SYT9: variants seen among roughly 807,000 people sequenced by gnomAD.
SYT9 encodes the protein synaptotagmin-9.
Under a neutral mutation model 48.4 loss-of-function variants are expected in SYT9, and 22 were observed. The ratio of observed to expected loss-of-function variants is 0.45; its 90% CI spans 0.32 to 0.65. SYT9 has a LOEUF of 0.65. Among genes scored for constraint, SYT9 ranks in the 30% least tolerant of loss-of-function variants. SYT9 has a pLI of 0.03. For synonymous variants in SYT9, 265 were observed against 245.0 expected, an observed-to-expected ratio of 1.08 and a Z score of -0.76; for missense variants, 577 against 622.0, an observed-to-expected ratio of 0.93 and a Z score of 0.77.
chr11:7,398,397 C>A (rs1846799950), intron 3 of SYT9, among the ~76,000 whole-genome samples: 1 of 138,668 alleles, frequency 7.2e-6, no homozygotes, highest in Non-Finnish European at 1.5e-5. Context: ...GGATACTGAT[C>A]TACAGTTTTC....
At chr11:7,417,656 C>G (rs1408091051) in intron 4 of SYT9, among the ~76,000 whole-genome samples, 1 of 152,206 alleles carries the variant, frequency 6.6e-6, no homozygotes, top group East Asian at 1.9e-4. Context: ...CTATCCTGGC[C>G]AGGCCAGTCT....
Position 7,416,030 on chromosome 11 carries a change from C to T in SYT9, c.1045-12C>T. On this transcript the variant is annotated splice_polypyrimidine_tract_variant and intron_variant, in intron 3 of 6. Transcript: ENST00000318881. ...ACACTTTCTAATACTTTAGTTTGTG[C>T]TTTCTCAACAGGACAACGTGGATCT... 1 of 1,614,028 alleles carries T rather than the reference C, an allele frequency of 6.2e-7. No individual in the cohort carries two copies. The highest frequency in any genetic ancestry group is 8.5e-7 in the Non-Finnish European group (1 of 1,179,960).
At chr11:7,463,069 G>A (rs1407862672) in intron 6 of SYT9, among the ~76,000 whole-genome samples, 1 of 152,152 alleles carries the variant, frequency 6.6e-6, no homozygotes, top group Admixed American at 6.5e-5. Flanking sequence ...TGTTCAGATA[G>A]GATTGTAACC....
At chr11:7,341,025 A>T (rs144417747) in intron 3 of SYT9, among the ~76,000 whole-genome samples, 1 of 152,232 alleles carries the variant, frequency 6.6e-6, no homozygotes, top group East Asian at 1.9e-4. Flanking sequence ...GTCTGTCCCT[A>T]CCTCTGGGAG....
In SYT9 at chr11:7,467,044, C is replaced by G. The variant is rs1590049827; in HGVS notation, c.*244C>G. 1.9e-6 allele frequency: 1 copy of G among 530,626 alleles called. No homozygotes were observed. The highest frequency in any genetic ancestry group is 3.4e-6 in the Non-Finnish European group (1 of 291,298). The allele number at this position is 530,626 out of a possible 1,614,324, so 32.9% of individuals were successfully genotyped here. A position where few individuals can be genotyped will look rare whatever the true frequency, so the allele number is the denominator to read the frequency against. Reference sequence around the variant, plus strand: ...GAAGCATGTCTCTCATGCCAAGAACCAAGATCGGACTATGAACAAAAACAA... The same window carrying G: ...GAAGCATGTCTCTCATGCCAAGAACGAAGATCGGACTATGAACAAAAACAA... On this transcript the variant is annotated 3_prime_UTR_variant, in exon 7 of 7. Transcript: ENST00000318881.
chr11:7,359,568 T>TA (rs1486302722), intron 3 of SYT9, among the ~76,000 whole-genome samples: 1 of 108,886 alleles, frequency 9.2e-6, no homozygotes, highest in Non-Finnish European at 2.0e-5. Flanking sequence ...TGGTATCTCA[T>TA]AGTGGTTTTG....
intron 5 of SYT9, among the ~76,000 whole-genome samples, chr11:7,418,400 C>T (rs868525439): frequency 1.3e-5 from 2 of 152,324 alleles, no homozygotes; most frequent in Middle Eastern, 6.8e-3. Context: ...TCCACCTCTT[C>T]CCCTTTTCAT....
In SYT9 at chr11:7,417,866, A is replaced by AC. The variant is rs1847280931; in HGVS notation, c.1166-89dup. The AC allele has an allele frequency of 3.6e-6, 5 of 1,383,690 alleles. No individual in the cohort carries two copies. In the East Asian group the frequency reaches 9.4e-5, roughly 26 times the overall value. The allele number at this position is 1,383,690 out of a possible 1,614,324, so 85.7% of individuals were successfully genotyped here. ...ACAGGCAGGTAAAGGAGTTCAGCAT[A>AC]CCATAGTCCATGAAAACTCACAGTG... On this transcript the variant is annotated intron_variant, in intron 4 of 6. Coordinates refer to ENST00000318881, the MANE Select transcript of SYT9 (RefSeq NM_175733.4).
chr11:7,343,545 G>T (rs548423625), intron 3 of SYT9, among the ~76,000 whole-genome samples: 1 of 152,080 alleles, frequency 6.6e-6, no homozygotes, highest in African/African-American at 2.4e-5. Flanking sequence ...GGATTTAATG[G>T]TCCATTATCA....
chr11:7,268,062 A>G (rs1007172101), intron 1 of SYT9, among the ~76,000 whole-genome samples: 2 of 151,952 alleles, frequency 1.3e-5, no homozygotes, highest in African/African-American at 4.8e-5. Flanking sequence ...TCTGTGTAAA[A>G]AGGTATAGGC....
At chr11:7,428,098 T>A (rs193273628) in intron 6 of SYT9, 49 of 152,344 alleles carry the variant, frequency 3.2e-4, no homozygotes, top group African/African-American at 9.9e-4. Flanking sequence ...TTGTCAGGGA[T>A]GGGTGACTTT....
intron 1 of SYT9, among the ~76,000 whole-genome samples, chr11:7,287,240 A>G (rs1231514731): frequency 3.3e-5 from 5 of 152,140 alleles, no homozygotes; most frequent in African/African-American, 9.7e-5. Flanking sequence ...GAAGGGGGGA[A>G]AAGCCCCTTA....
chr11:7,352,515 A>G (rs537634053), intron 3 of SYT9, among the ~76,000 whole-genome samples: 90 of 152,214 alleles, frequency 5.9e-4, no homozygotes, highest in Non-Finnish European at 1.1e-3. Flanking sequence ...AAGTTCAGAA[A>G]TATATGATGC....
At chr11:7,432,583 ATATATATACATATATATATATATATATAT>A (rs1378597208) in intron 6 of SYT9, among the ~76,000 whole-genome samples, 3 of 2,908 alleles carry the variant, frequency 1.0e-3, no homozygotes, top group Admixed American at 3.6e-3. Flanking sequence ...AAAAAAAAAA[ATATATATACATATATATATATATATATAT>A]ATATATATAT....
At chr11:7,358,233 A>G (rs187788277) in intron 3 of SYT9, among the ~76,000 whole-genome samples, 44 of 152,274 alleles carry the variant, frequency 2.9e-4, no homozygotes, top group Admixed American at 5.9e-4. Flanking sequence ...TTATCAGTAC[A>G]ATATAGTTTT....
intron 6 of SYT9, among the ~76,000 whole-genome samples, chr11:7,458,764 AGAG>A (rs1848194599): frequency 6.6e-6 from 1 of 152,184 alleles, no homozygotes; most frequent in Admixed American, 6.5e-5. Context: ...GAAAAAAGAG[AGAG>A]AAGTAGGGGA....
At chr11:7,245,039 G>A (rs1250713299) in intron 1 of SYT9, among the ~76,000 whole-genome samples, 7 of 152,218 alleles carry the variant, frequency 4.6e-5, no homozygotes, top group Admixed American at 4.6e-4. Flanking sequence ...CCTGAGCAAT[G>A]TCACACAAAA....
At chr11:7,391,132 T>C (rs1850757824) in intron 3 of SYT9, among the ~76,000 whole-genome samples, 1 of 152,180 alleles carries the variant, frequency 6.6e-6, no homozygotes, top group Non-Finnish European at 1.5e-5. Context: ...CCAACGGCAT[T>C]TGTGTTTCTG....
intron 6 of SYT9, among the ~76,000 whole-genome samples, chr11:7,421,901 T>C (rs900992138): frequency 2.0e-5 from 3 of 152,146 alleles, no homozygotes; most frequent in Non-Finnish European, 4.4e-5. Flanking sequence ...AGGAGAGAGA[T>C]GTTTACTGTG....
Sources: allele counts gnomAD v4.1 joint callset (sites outside exome capture counted in the v4.1 genomes callset), GRCh38; gene constraint gnomAD v4.1.1; transcripts MANE v1.5; gene names NCBI Gene and HGNC (gene_info 2026-07-23, HGNC 2026-07-21).